Variants in PRKCA observed in about 807,000 individuals in gnomAD.
PRKCA encodes protein kinase C alpha type.
PRKCA carries 27 observed loss-of-function variants against 87.0 expected under a neutral mutation model. That is an observed-to-expected ratio of 0.31 (90% confidence interval 0.23 to 0.43). The LOEUF (loss-of-function observed/expected upper bound fraction) is 0.43. PRKCA is among the 20% of genes least tolerant of loss of function. PRKCA has a pLI of 1.00. For synonymous variants in PRKCA, 329 were observed against 311.1 expected (o/e 1.06, Z -0.61); for missense variants, 518 against 852.3 (o/e 0.61, Z 4.88).
chr17:66,514,994 A>G (rs1966918646), intron 3 of PRKCA, among the ~76,000 whole-genome samples: 1 of 152,084 alleles, frequency 6.6e-6, no homozygotes, highest in Non-Finnish European at 1.5e-5. Flanking sequence ...GGTGGCTCAC[A>G]TGCATAATCC....
At chr17:66,453,621 CT>C (rs1226805689) in intron 2 of PRKCA, among the ~76,000 whole-genome samples, 2 of 152,116 alleles carry the variant, frequency 1.3e-5, no homozygotes, top group Non-Finnish European at 2.9e-5. Context: ...CCCAGCCCCC[CT>C]GATCTTTAGA....
At position 66,589,098 on chromosome 17, in the gene PRKCA, T is replaced by C. The variant is rs140492859; in HGVS notation, c.289-52257T>C. ...CCAGATGAACGTGAAGTCTGCCCAC[T>C]TCCAGGTCATGGGATCTTAAGTTCT... On this transcript the variant is annotated intron_variant, in intron 3 of 16. Transcript: ENST00000413366. Among the ~76,000 whole-genome samples the C allele has an allele frequency of 3.3e-3, 502 of 152,240 alleles. 5 individuals carry two copies. The highest frequency in any genetic ancestry group is 0.012 in the African/African-American group (490 of 41,524).
chr17:66,412,998 C>T (rs549175823), intron 2 of PRKCA, among the ~76,000 whole-genome samples: 1 of 152,124 alleles, frequency 6.6e-6, no homozygotes, highest in Non-Finnish European at 1.5e-5. Context: ...ACACACACAC[C>T]AAGCAATTCT....
At position 66,641,375 on chromosome 17, in the gene PRKCA, G is replaced by A; in HGVS notation, c.309G>A (p.Lys103=). 1 of 1,612,844 alleles carries A rather than the reference G, an allele frequency of 6.2e-7. No homozygotes were observed. Among genetic ancestry groups the A allele is most frequent in the Non-Finnish European group, 8.5e-7 (1 of 1,179,342 alleles). Residue 103 remains lysine, a synonymous_variant, in exon 4 of 17, where the codon AAG becomes AAA. Transcript: ENST00000413366. The part of the protein sequence containing the change: ...PDTDDPRSKH[K]FKIHTYGSPT... Reference sequence around the variant, plus strand: ...CCCAGGACCCCAGGAGCAAGCACAAGTTCAAAATCCACACTTACGGAAGCC... The same window carrying A: ...CCCAGGACCCCAGGAGCAAGCACAAATTCAAAATCCACACTTACGGAAGCC...
chr17:66,412,850 C>T (rs948687456), intron 2 of PRKCA: 2 of 152,408 alleles, frequency 1.3e-5, no homozygotes, highest in Non-Finnish European at 2.9e-5. Context: ...AGGATTTCTC[C>T]ACACCAGCAG....
At chr17:66,304,306 G>A (rs1044859745) in intron 1 of PRKCA, among the ~76,000 whole-genome samples, 1 of 152,198 alleles carries the variant, frequency 6.6e-6, no homozygotes, top group Non-Finnish European at 1.5e-5. Context: ...CTTCTTCCCA[G>A]ATCCCCGTCA....
intron 3 of PRKCA, among the ~76,000 whole-genome samples, chr17:66,626,221 G>C (rs1325307242): frequency 6.7e-6 from 1 of 148,842 alleles, no homozygotes; most frequent in African/African-American, 2.5e-5. Flanking sequence ...TTTTGAGACA[G>C]AGTCTCACTC....
At chr17:66,750,133 G>C (rs1974396487) in intron 13 of PRKCA, among the ~76,000 whole-genome samples, 2 of 151,820 alleles carry the variant, frequency 1.3e-5, no homozygotes, top group South Asian at 4.2e-4. Flanking sequence ...AAGAAGAAAG[G>C]GGGAGAATGA....
chr17:66,426,129 C>T (rs1353552021), intron 2 of PRKCA, among the ~76,000 whole-genome samples: 1 of 152,050 alleles, frequency 6.6e-6, no homozygotes, highest in Non-Finnish European at 1.5e-5. Flanking sequence ...GAACATAGGG[C>T]ATTTCAGGTT....
At chr17:66,782,251 CTCTA>C (rs774637096) in intron 14 of PRKCA, among the ~76,000 whole-genome samples, 2 of 151,330 alleles carry the variant, frequency 1.3e-5, no homozygotes, top group Non-Finnish European at 2.9e-5. Context: ...AAAAAATAGT[CTCTA>C]TCTTTGCAAC....
chr17:66,608,278 G>C lies in PRKCA; in HGVS notation c.289-33077G>C, dbSNP rs185732856. On this transcript the variant is annotated intron_variant, in intron 3 of 16. Transcript: ENST00000413366. ...ATCATCACTTTGTTGGTGGTGGAGT[G>C]GAGGGCCTCACTCTGGTTCCAAGCA... is the stretch of plus-strand genomic sequence containing the variant. 6.0e-3 allele frequency among the ~76,000 whole-genome samples: 908 copies of C among 152,230 alleles called. 12 individuals are homozygous for C. The highest frequency in any genetic ancestry group is 0.018 in the African/African-American group (758 of 41,516).
At chr17:66,425,822 C>G (rs969339924) in intron 2 of PRKCA, among the ~76,000 whole-genome samples, 2 of 152,036 alleles carry the variant, frequency 1.3e-5, no homozygotes, top group African/African-American at 4.8e-5. Flanking sequence ...ATTGTGGAAG[C>G]AGGAATGGTG....
chr17:66,444,365 G>T (rs1201627235), intron 2 of PRKCA, among the ~76,000 whole-genome samples: 1 of 152,158 alleles, frequency 6.6e-6, no homozygotes, highest in Non-Finnish European at 1.5e-5. Context: ...GAATCCAGAG[G>T]TGTCTTACAT....
intron 2 of PRKCA, among the ~76,000 whole-genome samples, chr17:66,475,573 A>C (rs1598703747): frequency 6.6e-6 from 1 of 152,122 alleles, no homozygotes. Context: ...CATTTGAGAC[A>C]TTTGCCTTGT....
intron 2 of PRKCA, among the ~76,000 whole-genome samples, chr17:66,393,931 C>A (rs757104026): frequency 1.3e-5 from 2 of 151,934 alleles, no homozygotes; most frequent in Admixed American, 6.6e-5. Flanking sequence ...AAAATTGGCC[C>A]GGGCATGGTG....
chr17:66,354,320 C>G (rs746555520), intron 2 of PRKCA, among the ~76,000 whole-genome samples: 1 of 152,184 alleles, frequency 6.6e-6, no homozygotes, highest in Non-Finnish European at 1.5e-5. Flanking sequence ...TAATTAAATA[C>G]ATGCAGCTCT....
intron 3 of PRKCA, among the ~76,000 whole-genome samples, chr17:66,558,897 G>A (rs942333370): frequency 6.6e-6 from 1 of 152,084 alleles, no homozygotes; most frequent in Non-Finnish European, 1.5e-5. Flanking sequence ...CCCTCGGACC[G>A]GGCATGCTTC....
At chr17:66,775,842 A>G in intron 14 of PRKCA, 1 of 847,954 alleles carries the variant, frequency 1.2e-6, no homozygotes, top group Non-Finnish European at 1.4e-6. Flanking sequence ...TGAAGCTTAC[A>G]GCTTAGAGGA....
intron 13 of PRKCA, among the ~76,000 whole-genome samples, chr17:66,761,089 A>G (rs998382496): frequency 6.6e-5 from 10 of 152,156 alleles, no homozygotes; most frequent in African/African-American, 2.4e-4. Flanking sequence ...GAAAATACAT[A>G]GGCTGGGCGC....
Sources: allele counts gnomAD v4.1 joint callset (sites outside exome capture counted in the v4.1 genomes callset), GRCh38; gene constraint gnomAD v4.1.1; transcripts MANE v1.5; gene names NCBI Gene and HGNC (gene_info 2026-07-23, HGNC 2026-07-21).